The following NUDCD3 variants were observed in gnomAD, a reference collection of about 807,000 sequenced individuals.
NUDCD3 encodes NudC domain containing 3.
NUDCD3 carries 13 observed loss-of-function variants against 39.7 expected under a neutral mutation model. The ratio of observed to expected loss-of-function variants is 0.33; its 90% CI spans 0.21 to 0.52. The LOEUF (loss-of-function observed/expected upper bound fraction) is 0.52, where lower values mean the gene tolerates loss of function less well. NUDCD3 is among the 20% of genes least tolerant of loss of function. The pLI is 0.96. For missense variants in NUDCD3, 453 were observed against 458.1 expected (o/e 0.99, Z 0.10); for synonymous variants, 175 against 172.4 (o/e 1.02, Z -0.12).
At chr7:44,433,110 A>C (rs916442611) in intron 2 of NUDCD3, among the ~76,000 whole-genome samples, 1 of 152,218 alleles carries the variant, frequency 6.6e-6, no homozygotes, top group Non-Finnish European at 1.5e-5. Flanking sequence ...ACAGAGGTCC[A>C]TGAATCAGGA....
At chr7:44,467,477 T>G (rs185562729) in intron 2 of NUDCD3, among the ~76,000 whole-genome samples, 11 of 152,224 alleles carry the variant, frequency 7.2e-5, no homozygotes, top group Admixed American at 7.2e-4. Flanking sequence ...CAGAGGCCAA[T>G]CACCCTGATC....
At chr7:44,459,762 T>C (rs1401923634) in intron 2 of NUDCD3, among the ~76,000 whole-genome samples, 1 of 152,182 alleles carries the variant, frequency 6.6e-6, no homozygotes, top group Non-Finnish European at 1.5e-5. Flanking sequence ...CACATGAGAT[T>C]TGTATATAAT....
At chr7:44,459,371 C>G (rs1458599294) in intron 2 of NUDCD3, among the ~76,000 whole-genome samples, 2 of 151,554 alleles carry the variant, frequency 1.3e-5, no homozygotes, top group Non-Finnish European at 2.9e-5. Flanking sequence ...GCTAATTTTT[C>G]AAGACGGGAT....
intron 4 of NUDCD3, among the ~76,000 whole-genome samples, chr7:44,393,405 C>G (rs1010340688): frequency 2.0e-5 from 3 of 152,158 alleles, no homozygotes; most frequent in African/African-American, 7.2e-5. Flanking sequence ...CTAGGTGACC[C>G]TGGCTGCTTG....
At chr7:44,452,807 A>G (rs1250282328) in intron 2 of NUDCD3, among the ~76,000 whole-genome samples, 1 of 152,244 alleles carries the variant, frequency 6.6e-6, no homozygotes, top group Non-Finnish European at 1.5e-5. Context: ...CAGAACTCAC[A>G]CACACAAAAG....
intron 3 of NUDCD3, 152 bp from the exon 4 acceptor site, chr7:44,404,735 CAGCCT>C (rs761992588): frequency 3.3e-5 from 24 of 721,558 alleles, no homozygotes; most frequent in Non-Finnish European, 4.8e-5. Context: ...AAAACCATAC[CAGCCT>C]AATTTATACC....
Position 44,461,670 on chromosome 7 carries a change from T to A in NUDCD3, c.509+23298A>T, listed in dbSNP as rs76353329. ...AGAGAAAGGAGTCTTTCACCAGCCATGTGACATGCAGAATGGCCACACCTC... is the reference window on the plus strand; with the variant it reads ...AGAGAAAGGAGTCTTTCACCAGCCAAGTGACATGCAGAATGGCCACACCTC... On this transcript the variant is annotated intron_variant, in intron 2 of 5. Transcript: ENST00000355451. Among the ~76,000 whole-genome samples, 909 of 152,192 alleles carry A rather than the reference T, an allele frequency of 6.0e-3. 10 individuals are homozygous for A. Among genetic ancestry groups the A allele is most frequent in the African/African-American group, 0.021 (857 of 41,498 alleles).
intron 2 of NUDCD3, among the ~76,000 whole-genome samples, chr7:44,462,998 A>C (rs1340578216): frequency 6.7e-6 from 1 of 148,620 alleles, no homozygotes; most frequent in Non-Finnish European, 1.5e-5. Context: ...TGTATACACA[A>C]AGATACAAAA....
intron 3 of NUDCD3, among the ~76,000 whole-genome samples, chr7:44,419,485 T>C (rs1360610723): frequency 3.3e-5 from 5 of 152,238 alleles, no homozygotes; most frequent in Non-Finnish European, 7.3e-5. Context: ...CCCAGCACAG[T>C]GCTCGAGCTC....
At position 44,379,386 on chromosome 7, in the gene NUDCD3, T is replaced by TG. The variant is rs1221764681; in HGVS notation, c.*6624dup. On this transcript the variant is annotated 3_prime_UTR_variant, in exon 6 of 6. Coordinates refer to ENST00000355451, the MANE Select transcript of NUDCD3 (RefSeq NM_015332.4). ...AGGCAGTTGGCGGGGCGGGGCGGGG[T>TG]GGGGGGGAACAGGGGACAGGGGTGG... 1.5e-4 allele frequency: 2 copies of TG among 13,144 alleles called. No homozygotes were observed. Among genetic ancestry groups the TG allele is most frequent in the Non-Finnish European group, 3.2e-4 (2 of 6,280 alleles). 0.8% of individuals were successfully genotyped at this position (13,144 alleles called of 1,614,324 possible). A position where few individuals can be genotyped will look rare whatever the true frequency, so the allele number is the denominator to read the frequency against.
At chr7:44,431,181 C>T (rs62459136) in intron 2 of NUDCD3, among the ~76,000 whole-genome samples, 1,837 of 152,228 alleles carry the variant, frequency 0.012, 12 homozygotes, top group Non-Finnish European at 0.019. Flanking sequence ...TGTTGGTCAC[C>T]CCTGCAGCTG....
At position 44,383,659 on chromosome 7, in the gene NUDCD3, A is replaced by T. The variant is rs1798346690; in HGVS notation, c.*2352T>A. ...AATAGCTTTGCAGGCTGGACACCTC[A>T]CTCTCCTCGGGCCCTGGACAAGGGA... is the stretch of plus-strand genomic sequence containing the variant. On this transcript the variant is annotated 3_prime_UTR_variant, in exon 6 of 6. Transcript: ENST00000355451. The T allele has an allele frequency of 6.6e-6, 1 of 151,926 alleles. No homozygotes were observed. The highest frequency in any genetic ancestry group is 1.5e-5 in the Non-Finnish European group (1 of 68,000). 9.4% of individuals were successfully genotyped at this position (151,926 alleles called of 1,614,324 possible). A position where few individuals can be genotyped will look rare whatever the true frequency, so the allele number is the denominator to read the frequency against.
intron 2 of NUDCD3, among the ~76,000 whole-genome samples, chr7:44,452,289 A>G (rs528477836): frequency 6.6e-6 from 1 of 152,180 alleles, no homozygotes; most frequent in Non-Finnish European, 1.5e-5. Flanking sequence ...CAAAAATATA[A>G]AAGTTAGCTG....
intron 2 of NUDCD3, among the ~76,000 whole-genome samples, chr7:44,443,599 C>T (rs971848392): frequency 6.6e-6 from 1 of 152,044 alleles, no homozygotes; most frequent in Non-Finnish European, 1.5e-5. Context: ...TTAGTAGAGA[C>T]GGGGTTTCGC....
At chr7:44,464,334 C>A (rs1199465160) in intron 2 of NUDCD3, among the ~76,000 whole-genome samples, 1 of 152,112 alleles carries the variant, frequency 6.6e-6, no homozygotes, top group South Asian at 2.1e-4. Flanking sequence ...GCGCCACAGT[C>A]CCATTAATTT....
At position 44,384,050 on chromosome 7, in the gene NUDCD3, T is replaced by C. The variant is rs1798356479; in HGVS notation, c.*1961A>G. On this transcript the variant is annotated 3_prime_UTR_variant, in exon 6 of 6. Coordinates refer to ENST00000355451, the MANE Select transcript of NUDCD3 (RefSeq NM_015332.4). Reference sequence around the variant, plus strand: ...GTGGGGAGAAATGCAACACAGAATATAAAATCAGGCAAAACAAACACTAGT... The same window carrying C: ...GTGGGGAGAAATGCAACACAGAATACAAAATCAGGCAAAACAAACACTAGT... 6.6e-6 allele frequency: 1 copy of C among 152,142 alleles called. No homozygotes were observed. The highest frequency in any genetic ancestry group is 1.5e-5 in the Non-Finnish European group (1 of 68,034). The allele number at this position is 152,142 out of a possible 1,614,324, so 9.4% of individuals were successfully genotyped here. A position where few individuals can be genotyped will look rare whatever the true frequency, so the allele number is the denominator to read the frequency against.
intron 2 of NUDCD3, chr7:44,467,903 G>A (rs759648376): frequency 1.8e-5 from 29 of 1,604,454 alleles, no homozygotes; most frequent in South Asian, 4.4e-5. Context: ...CATCATGGCC[G>A]CCCTCAGACC....
chr7:44,480,398 C>G lies in NUDCD3; in HGVS notation c.509+4570G>C, dbSNP rs546563301. ...TTCCACCACTCTGTGATTACTACTA[C>G]TATTTTCTTCCAGCTTTTTTTCTAC... On this transcript the variant is annotated intron_variant, in intron 2 of 5. Coordinates refer to ENST00000355451, the MANE Select transcript of NUDCD3 (RefSeq NM_015332.4). Among the ~76,000 whole-genome samples, 114 of 152,268 alleles carry G rather than the reference C, an allele frequency of 7.5e-4. 2 individuals are homozygous for G. The highest frequency in any genetic ancestry group is 1.2e-3 in the Non-Finnish European group (85 of 68,016).
intron 4 of NUDCD3, among the ~76,000 whole-genome samples, chr7:44,397,647 T>C (rs1798648505): frequency 2.0e-5 from 3 of 152,206 alleles, no homozygotes; most frequent in African/African-American, 7.2e-5. Context: ...TTAAAGTTAC[T>C]AGAATAAGTA....
Sources: allele counts gnomAD v4.1 joint callset (sites outside exome capture counted in the v4.1 genomes callset), GRCh38; gene constraint gnomAD v4.1.1; transcripts MANE v1.5; gene names NCBI Gene and HGNC (gene_info 2026-07-23, HGNC 2026-07-21).